The following ADGRG6 variants were observed in gnomAD, a reference collection of about 807,000 sequenced individuals.
ADGRG6 encodes adhesion G protein-coupled receptor G6.
ADGRG6 carries 84 observed loss-of-function variants against 142.4 expected under a neutral mutation model. That is an observed-to-expected ratio of 0.59 (90% CI 0.49 to 0.71). The LOEUF (loss-of-function observed/expected upper bound fraction) is 0.71. Among genes scored for constraint, ADGRG6 ranks in the 30% least tolerant of loss-of-function variants. The pLI is 0.00. For missense variants in ADGRG6, 1,367 were observed against 1,466.6 expected (o/e 0.93, Z 1.11); for synonymous variants, 521 against 520.5 (o/e 1.00, Z -0.01).
chr6:142,378,621 C>A (rs752133605), intron 4 of ADGRG6, among the ~76,000 whole-genome samples: 1 of 152,184 alleles, frequency 6.6e-6, no homozygotes, highest in South Asian at 2.1e-4. Flanking sequence ...TGTGCATTTG[C>A]TTAAGTTTTC....
intron 3 of ADGRG6, among the ~76,000 whole-genome samples, chr6:142,369,734 T>C (rs1781143281): frequency 6.6e-6 from 1 of 152,204 alleles, no homozygotes; most frequent in African/African-American, 2.4e-5. Flanking sequence ...AAAGTAATCA[T>C]TAATGAAAAT....
At chr6:142,434,735 TTAAA>T (rs1251007950) in intron 22 of ADGRG6, among the ~76,000 whole-genome samples, 3 of 152,134 alleles carry the variant, frequency 2.0e-5, no homozygotes, top group Non-Finnish European at 4.4e-5. Flanking sequence ...CTTCAGTAAT[TTAAA>T]TAGGAATTTA....
chr6:142,407,926 A>T (rs537864267), intron 15 of ADGRG6, among the ~76,000 whole-genome samples: 14 of 152,294 alleles, frequency 9.2e-5, no homozygotes, highest in African/African-American at 1.4e-4. Context: ...TTATGAACTC[A>T]GTCTTACAAT....
intron 2 of ADGRG6, among the ~76,000 whole-genome samples, chr6:142,337,605 C>T (rs1322923786): frequency 6.6e-6 from 1 of 152,042 alleles, no homozygotes; most frequent in African/African-American, 2.4e-5. Flanking sequence ...ACCTGATTCT[C>T]CCCTCTTTTG....
chr6:142,309,303 A>T (rs1271722286), intron 1 of ADGRG6, among the ~76,000 whole-genome samples: 4 of 151,814 alleles, frequency 2.6e-5, no homozygotes, highest in African/African-American at 9.7e-5. Flanking sequence ...TATTATATAT[A>T]TTTTGATAAG....
intron 19 of ADGRG6, 24 bp downstream of exon 19, chr6:142,415,120 A>G (rs752441111): frequency 6.3e-7 from 1 of 1,596,318 alleles, no homozygotes; most frequent in East Asian, 2.3e-5. Context: ...TAATCTGCCA[A>G]ACCCATTGCT....
chr6:142,383,960 T>G, intron 6 of ADGRG6, 117 bp downstream of exon 6: 1 of 625,126 alleles, frequency 1.6e-6, no homozygotes. Flanking sequence ...ATTGGTACAT[T>G]TGTAGGTTTA....
At chr6:142,405,031 A>G (rs964229513) in intron 14 of ADGRG6, among the ~76,000 whole-genome samples, 1 of 152,236 alleles carries the variant, frequency 6.6e-6, no homozygotes, top group African/African-American at 2.4e-5. Context: ...GAAGCACAAT[A>G]TATCTTTTAA....
chr6:142,392,855 T>C, intron 7 of ADGRG6, 93 bp from the exon 8 acceptor site: 1 of 810,372 alleles, frequency 1.2e-6, no homozygotes, highest in Non-Finnish European at 2.1e-6. Flanking sequence ...CAGGGTCTTA[T>C]CTCAGTAACA....
intron 24 of ADGRG6, among the ~76,000 whole-genome samples, chr6:142,441,734 G>A (rs1441105661): frequency 2.0e-5 from 3 of 152,110 alleles, no homozygotes; most frequent in Non-Finnish European, 4.4e-5. Flanking sequence ...TAATATATAA[G>A]TCAATAGAAA....
chr6:142,425,511 A>G (rs1369879044), intron 22 of ADGRG6, among the ~76,000 whole-genome samples: 1 of 152,224 alleles, frequency 6.6e-6, no homozygotes, highest in East Asian at 1.9e-4. Context: ...ACAATATTTA[A>G]CAATGGCTAA....
At chr6:142,398,072 G>A (rs575759776) in intron 10 of ADGRG6, among the ~76,000 whole-genome samples, 11 of 152,292 alleles carry the variant, frequency 7.2e-5, no homozygotes, top group African/African-American at 2.6e-4. Flanking sequence ...AAAAAAGAGT[G>A]TGTAGATGTG....
chr6:142,417,210 G>A, intron 20 of ADGRG6, 63 bp from the exon 21 acceptor site: 4 of 815,756 alleles, frequency 4.9e-6, no homozygotes, highest in Non-Finnish European at 8.6e-6. Flanking sequence ...CATTTCATTA[G>A]CAGTCTTATG....
intron 4 of ADGRG6, among the ~76,000 whole-genome samples, chr6:142,377,802 A>G (rs1457680836): frequency 6.6e-6 from 1 of 152,208 alleles, no homozygotes; most frequent in African/African-American, 2.4e-5. Context: ...TAAAGTTTGT[A>G]TATACTTTTG....
chr6:142,317,821 A>ATATAT, intron 2 of ADGRG6, among the ~76,000 whole-genome samples: 2 of 82,214 alleles, frequency 2.4e-5, no homozygotes, highest in African/African-American at 1.2e-4. Flanking sequence ...TATATATATT[A>ATATAT]ATTTATATTA....
intron 6 of ADGRG6, among the ~76,000 whole-genome samples, chr6:142,384,859 T>C (rs1781949945): frequency 6.6e-6 from 1 of 152,122 alleles, no homozygotes; most frequent in Non-Finnish European, 1.5e-5. Context: ...GAAACATAGA[T>C]ATAAATTTCA....
At chr6:142,367,149 C>T (rs896914636) in intron 2 of ADGRG6, among the ~76,000 whole-genome samples, 1 of 151,846 alleles carries the variant, frequency 6.6e-6, no homozygotes, top group East Asian at 1.9e-4. Context: ...TTCTATAACC[C>T]CCGCCACCCC....
intron 15 of ADGRG6, among the ~76,000 whole-genome samples, chr6:142,406,215 A>G (rs1176725254): frequency 1.3e-5 from 2 of 149,390 alleles, no homozygotes; most frequent in African/African-American, 2.5e-5. Context: ...TTAATTTAGC[A>G]GTAAGTACTG....
At chr6:142,405,287 A>G in intron 14 of ADGRG6, 1 of 453,434 alleles carries the variant, frequency 2.2e-6, no homozygotes. Flanking sequence ...TCTGAAATCA[A>G]CAAGTTAACT....
Sources: gnomAD v4.1 joint callset for allele counts (sites outside exome capture counted in the v4.1 genomes callset) on GRCh38, gnomAD v4.1.1 for gene constraint, MANE v1.5 for transcripts, NCBI Gene and HGNC (gene_info 2026-07-23, HGNC 2026-07-21) for gene names.